Variants in BBS4 observed in about 807,000 individuals in gnomAD.
BBS4 encodes the protein Bardet-Biedl syndrome 4, also known as BBSome complex member BBS4.
BBS4 carries 58 observed loss-of-function variants against 71.4 expected under a neutral mutation model. The observed-to-expected ratio is 0.81, with a 90% CI of 0.66 to 1.01. BBS4 has a LOEUF of 1.01. Ranked by LOEUF, BBS4 falls within the 50% of genes least tolerant of loss-of-function variation. The pLI is 0.00. For missense variants in BBS4, 660 were observed against 607.9 expected, an observed-to-expected ratio of 1.09 and a Z score of -0.90; for synonymous variants, 228 against 216.8, an observed-to-expected ratio of 1.05 and a Z score of -0.46.
At chr15:72,704,862 A>G (rs551893329) in intron 2 of BBS4, among the ~76,000 whole-genome samples, 99 of 152,272 alleles carry the variant, frequency 6.5e-4, no homozygotes, top group African/African-American at 2.3e-3. Context: ...CCTTTATGAC[A>G]GAACTCGACT....
intron 2 of BBS4, chr15:72,697,892 A>G (rs1323353292): frequency 2.3e-5 from 10 of 439,256 alleles, no homozygotes; most frequent in Non-Finnish European, 3.7e-5. Flanking sequence ...AGAACAGGCA[A>G]TGAAATTATT....
In BBS4 at chr15:72,686,283, C is replaced by T. The variant is rs1317405764; in HGVS notation, c.24+32C>T. Reference sequence around the variant, plus strand: ...GCCGAGATTCTCTTTAGTTGCCCGGCCGCAGGGCAAGGCAAGCTGGCGGGT... The same window carrying T: ...GCCGAGATTCTCTTTAGTTGCCCGGTCGCAGGGCAAGGCAAGCTGGCGGGT... On this transcript the variant is annotated intron_variant, in intron 1 of 15. Transcript: ENST00000268057. 6 of 1,559,186 alleles carry T rather than the reference C, an allele frequency of 3.8e-6. No homozygotes were observed. In the East Asian group the frequency reaches 1.4e-4, roughly 37 times the overall value.
At chr15:72,722,768 G>A in intron 6 of BBS4, 26 bp from the exon 7 acceptor site, 1 of 1,610,596 alleles carries the variant, frequency 6.2e-7, no homozygotes. Context: ...CACCTGAGTT[G>A]TTTTCCTTCT....
intron 2 of BBS4, chr15:72,704,572 TAATG>T: frequency 1.5e-6 from 1 of 667,594 alleles, no homozygotes; most frequent in Non-Finnish European, 2.3e-6. Flanking sequence ...AAGTAGATAA[TAATG>T]GTAATAAAAA....
rs773758022 is a variant in BBS4, at chr15:72,735,186, T to C, written c.1106+4T>C. ...CAGAAGCAGTCCACCTGGATAAGTATGCACTTTGTTGAGAATGGTACTGGC... is the reference window on the plus strand; with the variant it reads ...CAGAAGCAGTCCACCTGGATAAGTACGCACTTTGTTGAGAATGGTACTGGC... On this transcript the variant is annotated splice_donor_region_variant and intron_variant, in intron 13 of 15. Coordinates refer to ENST00000268057, the MANE Select transcript of BBS4 (RefSeq NM_033028.5). 1.2e-6 allele frequency: 2 copies of C among 1,611,872 alleles called. No homozygotes were observed. The highest frequency in any genetic ancestry group is 1.1e-5 in the South Asian group (1 of 91,012).
rs376143305 is a variant in BBS4, at chr15:72,712,310, A to T, written c.220+3A>T. 54 of 1,612,520 alleles carry T rather than the reference A, an allele frequency of 3.3e-5. No individual in the cohort carries two copies. The highest frequency in any genetic ancestry group is 4.3e-5 in the Non-Finnish European group (51 of 1,178,620). Reference sequence around the variant, plus strand: ...TGAATATGCTATCTATGTCCAAGGTAAGACACATACTTCTTGTCTTCTTGC... The same window carrying T: ...TGAATATGCTATCTATGTCCAAGGTTAGACACATACTTCTTGTCTTCTTGC... On this transcript the variant is annotated splice_donor_region_variant and intron_variant, in intron 4 of 15. Coordinates refer to ENST00000268057, the MANE Select transcript of BBS4 (RefSeq NM_033028.5).
At chr15:72,737,217 G>A (rs1330703165) in intron 15 of BBS4, 1 of 613,052 alleles carries the variant, frequency 1.6e-6, no homozygotes, top group Admixed American at 2.9e-5. Context: ...TTAGCAATAT[G>A]TTATTAAGTA....
At chr15:72,709,641 G>C (rs1376610628) in intron 2 of BBS4, 59 bp from the exon 3 acceptor site, 2 of 1,254,758 alleles carry the variant, frequency 1.6e-6, no homozygotes, top group Non-Finnish European at 2.3e-6. Flanking sequence ...CATGAGGACA[G>C]TGCTAAAGGA....
intron 2 of BBS4, among the ~76,000 whole-genome samples, chr15:72,705,275 C>A (rs1351933001): frequency 2.6e-5 from 4 of 151,954 alleles, no homozygotes; most frequent in Non-Finnish European, 1.5e-5. Context: ...AGGTACCCAG[C>A]GAATATTGGT....
chr15:72,691,504 A>T (rs560619325), intron 1 of BBS4, among the ~76,000 whole-genome samples: 5 of 152,018 alleles, frequency 3.3e-5, no homozygotes, highest in African/African-American at 1.2e-4. Flanking sequence ...GTTTTACCAT[A>T]TATGTTTATA....
chr15:72,735,244 G>T (rs755926798), intron 13 of BBS4, 62 bp downstream of exon 13: 2 of 1,277,274 alleles, frequency 1.6e-6, no homozygotes, highest in Non-Finnish European at 2.3e-6. Context: ...ATGAGGTGGT[G>T]CCATACATAG....
At chr15:72,691,359 CT>C (rs1236888262) in intron 1 of BBS4, among the ~76,000 whole-genome samples, 1 of 152,076 alleles carries the variant, frequency 6.6e-6, no homozygotes, top group Non-Finnish European at 1.5e-5. Context: ...ACTTGTGTTC[CT>C]ACTGCCCAGG....
At position 72,709,763 on chromosome 15, in the gene BBS4, A is replaced by C; in HGVS notation, c.140A>C (p.Asp47Ala). ...ATTCATCTTCATTATATCCGGAAAG[A>C]TTATGAAGCCTGCAAGGTAAGAGAT... ...WLIHLHYIRK[D>A]YEACKAVIKE... The change falls in exon 3 of 16, where the codon GAT becomes GCT. Residue 47 changes from aspartate to alanine, a missense_variant. Transcript: ENST00000268057. The C allele has an allele frequency of 6.2e-7, 1 of 1,613,656 alleles. No individual in the cohort carries two copies. Among genetic ancestry groups the C allele is most frequent in the Non-Finnish European group, 8.5e-7 (1 of 1,179,754 alleles).
In BBS4 at chr15:72,703,091, G is replaced by A. The variant is rs559373643; in HGVS notation, c.77-6609G>A. 3.3e-4 allele frequency among the ~76,000 whole-genome samples: 50 copies of A among 151,950 alleles called. No homozygotes were observed. The East Asian group carries it at 8.3e-3, about 25-fold the overall frequency. ...CTCCCAAAGTGCTGGGATTACAGGC[G>A]TGAGCCATCGCGCCCGGCCGAGGAG... On this transcript the variant is annotated intron_variant, in intron 2 of 15. Coordinates refer to ENST00000268057, the MANE Select transcript of BBS4 (RefSeq NM_033028.5).
intron 15 of BBS4, chr15:72,737,208 T>C (rs2065943441): frequency 4.9e-6 from 3 of 614,544 alleles, no homozygotes; most frequent in Non-Finnish European, 8.6e-6. Flanking sequence ...TTTCCAATTT[T>C]AGCAATATGT....
At chr15:72,714,849 T>C (rs543945504) in intron 4 of BBS4, among the ~76,000 whole-genome samples, 1 of 152,340 alleles carries the variant, frequency 6.6e-6, no homozygotes, top group East Asian at 1.9e-4. Flanking sequence ...AATGTTACTT[T>C]ATCCTTTGCC....
intron 9 of BBS4, among the ~76,000 whole-genome samples, chr15:72,728,972 C>T (rs112373809): frequency 0.011 from 1,607 of 152,146 alleles, 31 homozygotes; most frequent in African/African-American, 0.037. Flanking sequence ...GTTGGCTCCA[C>T]GGGAGATGAG....
chr15:72,688,411 C>CTTTTTTTT lies in BBS4; in HGVS notation c.24+2173_24+2180dup, dbSNP rs58644289. ...GTCCTTTTAGGAAGTGGTATTTTATCTTTTTTTTTTTTTTTTTTTTGAGAC... is the reference window on the plus strand; with the variant it reads ...GTCCTTTTAGGAAGTGGTATTTTATCTTTTTTTTTTTTTTTTTTTTTTTTTTTTGAGAC... On this transcript the variant is annotated intron_variant, in intron 1 of 15. Transcript: ENST00000268057. Among the ~76,000 whole-genome samples, 774 of 83,012 alleles carry CTTTTTTTT rather than the reference C, an allele frequency of 9.3e-3. 27 individuals are homozygous for CTTTTTTTT. The highest frequency in any genetic ancestry group is 0.013 in the Middle Eastern group (1 of 80). The allele number at this position is 83,012 out of a possible 152,430, so 54.5% of individuals were successfully genotyped here.
Position 72,720,091 on chromosome 15 carries a change from G to T in BBS4, c.406-2703G>T, listed in dbSNP as rs72737317. On this transcript the variant is annotated intron_variant, in intron 6 of 15. Transcript: ENST00000268057. ...TTTCTTTAAAATTTTCCCCTTCATGGCATTTTTATTTTCTTTTTAGAATAT... is the reference window on the plus strand; with the variant it reads ...TTTCTTTAAAATTTTCCCCTTCATGTCATTTTTATTTTCTTTTTAGAATAT... Among the ~76,000 whole-genome samples the T allele has an allele frequency of 8.2e-3, 1,239 of 150,356 alleles. 8 individuals carry two copies. Among genetic ancestry groups the T allele is most frequent in the Non-Finnish European group, 0.012 (813 of 67,574 alleles).
Sources: allele counts gnomAD v4.1 joint callset (sites outside exome capture counted in the v4.1 genomes callset), GRCh38; gene constraint gnomAD v4.1.1; transcripts MANE v1.5; gene names NCBI Gene and HGNC (gene_info 2026-07-23, HGNC 2026-07-21).